The following TEX14 variants were observed in gnomAD, a reference collection of about 807,000 sequenced individuals.
TEX14 encodes the protein testis expressed 14, intercellular bridge forming factor.
A neutral mutation model predicts 178.6 loss-of-function variants in TEX14; 168 were observed. That is an observed-to-expected ratio of 0.94 (90% CI 0.83 to 1.07). The LOEUF is 1.07. Among genes scored for constraint, TEX14 ranks in the 50% least tolerant of loss-of-function variants. TEX14 has a pLI of 0.00. For missense variants in TEX14, 1,730 were observed against 1,753.6 expected, an observed-to-expected ratio of 0.99 and a Z score of 0.24; for synonymous variants, 626 against 634.1, an observed-to-expected ratio of 0.99 and a Z score of 0.19.
In TEX14 at chr17:58,682,122, T is replaced by C. The variant is rs1361399536; in HGVS notation, c.-2+9817A>G. ...CACTACCATGTCTGGCTAACTTTTG[T>C]ATTTTTTGTAGAGAGGGAGTTTCAC... On this transcript the variant is annotated intron_variant, in intron 1 of 31. Transcript: ENST00000349033. Among the ~76,000 whole-genome samples the C allele has an allele frequency of 2.6e-5, 4 of 152,108 alleles. No individual in the cohort carries two copies. The East Asian group carries it at 5.8e-4, about 22-fold the overall frequency.
In TEX14 at chr17:58,573,080, C is replaced by T; in HGVS notation, c.3511+101G>A. 2.0e-6 allele frequency: 3 copies of T among 1,502,518 alleles called. No individual in the cohort carries two copies. In the Admixed American group the frequency reaches 6.1e-5, roughly 30 times the overall value. 93.1% of individuals were successfully genotyped at this position (1,502,518 alleles called of 1,614,324 possible). ...CTAAAGAAAAACCTTTGCACTATGA[C>T]AACACAGCCACCAGCTCTGATACCA... On this transcript the variant is annotated intron_variant, in intron 23 of 31. Transcript: ENST00000349033.
chr17:58,656,925 C>CAAAAAAAAAAAAAA (rs60626361), intron 1 of TEX14, among the ~76,000 whole-genome samples: 4 of 79,510 alleles, frequency 5.0e-5, no homozygotes, highest in East Asian at 5.1e-4. Context: ...TCCCATCTCA[C>CAAAAAAAAAAAAAA]AAAAAAAAAA....
At chr17:58,585,610 GTTTTTTTT>G (rs879707841) in intron 18 of TEX14, among the ~76,000 whole-genome samples, 183 bp downstream of exon 18, 7 of 83,056 alleles carry the variant, frequency 8.4e-5, no homozygotes, top group African/African-American at 3.5e-4. Context: ...CCCAGCTAAT[GTTTTTTTT>G]TTTTTTTTTT....
chr17:58,565,725 A>C, intron 27 of TEX14, 22 bp downstream of exon 27: 1 of 1,577,492 alleles, frequency 6.3e-7, no homozygotes, highest in South Asian at 1.1e-5. Context: ...CCTGATGAAA[A>C]CAATCTAGGT....
At chr17:58,643,209 G>C (rs936296891) in intron 2 of TEX14, among the ~76,000 whole-genome samples, 1 of 152,094 alleles carries the variant, frequency 6.6e-6, no homozygotes, top group African/African-American at 2.4e-5. Flanking sequence ...CCCCAATAAA[G>C]CTGGCCTGTA....
intron 1 of TEX14, among the ~76,000 whole-genome samples, chr17:58,687,701 C>G (rs1472043655): frequency 6.6e-6 from 1 of 152,046 alleles, no homozygotes; most frequent in African/African-American, 2.4e-5. Flanking sequence ...CCAGCTATAA[C>G]AAAAATTTCA....
At chr17:58,632,653 T>C (rs539170298) in intron 2 of TEX14, among the ~76,000 whole-genome samples, 114 of 152,168 alleles carry the variant, frequency 7.5e-4, no homozygotes, top group Non-Finnish European at 1.2e-3. Flanking sequence ...GCAGCCGGCC[T>C]GCAAACGTAA....
At chr17:58,592,707 T>A (rs2045184166) in intron 15 of TEX14, among the ~76,000 whole-genome samples, 1 of 151,836 alleles carries the variant, frequency 6.6e-6, no homozygotes, top group African/African-American at 2.4e-5. Context: ...CCCGGCTAAT[T>A]TATGTATTTT....
chr17:58,621,885 C>A, intron 4 of TEX14, 99 bp from the exon 5 acceptor site: 1 of 1,359,354 alleles, frequency 7.4e-7, no homozygotes, highest in Non-Finnish European at 9.8e-7. Flanking sequence ...CTGAGAGCCC[C>A]CAACAGAAAA....
In TEX14 at chr17:58,615,284, AGTGTGGGTGGGTGGGG is replaced by A. The variant is rs2045847155; in HGVS notation, c.813_828del (p.Pro272AlafsTer10). ...AAGTCGGCCAGCCGCAGCCTGCTGC[AGTGTGGGTGGGTGGGG>A]AGATTCAGCTCTTTCACTGTGACCC... On this transcript the variant is annotated frameshift_variant, in exon 8 of 32. Coordinates refer to ENST00000349033, the MANE Select transcript of TEX14 (RefSeq NM_031272.5). LOFTEE classifies it high-confidence loss of function. 6.2e-7 allele frequency: 1 copy of A among 1,613,836 alleles called. No individual in the cohort carries two copies. Among genetic ancestry groups the A allele is most frequent in the African/African-American group, 1.3e-5 (1 of 74,922 alleles).
chr17:58,645,347 A>G (rs994526324), intron 2 of TEX14, among the ~76,000 whole-genome samples: 31 of 148,866 alleles, frequency 2.1e-4, no homozygotes, highest in African/African-American at 7.7e-4. Context: ...ACTCATAGAT[A>G]TATTATGGCT....
chr17:58,560,509 T>C (rs2044252675), intron 29 of TEX14, among the ~76,000 whole-genome samples: 1 of 152,220 alleles, frequency 6.6e-6, no homozygotes, highest in Admixed American at 6.5e-5. Context: ...GCTGTGGCTA[T>C]TAGGTTTGTG....
intron 14 of TEX14, among the ~76,000 whole-genome samples, chr17:58,595,302 T>C (rs1039908747): frequency 3.3e-5 from 5 of 152,202 alleles, no homozygotes; most frequent in African/African-American, 1.2e-4. Context: ...GTGATGTTTT[T>C]AAGGAAAAAA....
intron 3 of TEX14, among the ~76,000 whole-genome samples, chr17:58,626,888 A>C (rs1281077753): frequency 6.6e-6 from 1 of 152,144 alleles, no homozygotes; most frequent in African/African-American, 2.4e-5. Context: ...AAAGGAATAA[A>C]GCCTCCTCCC....
chr17:58,592,942 G>A (rs187294235), intron 15 of TEX14, among the ~76,000 whole-genome samples: 615 of 152,154 alleles, frequency 4.0e-3, no homozygotes, highest in Non-Finnish European at 7.1e-3. Context: ...GCATATATAT[G>A]CATGAATACA....
intron 1 of TEX14, among the ~76,000 whole-genome samples, chr17:58,671,327 T>C (rs1337235601): frequency 6.6e-6 from 1 of 152,176 alleles, no homozygotes; most frequent in Non-Finnish European, 1.5e-5. Context: ...TCCCCTAACA[T>C]ATACACATAG....
At chr17:58,623,685 G>T (rs2046057408) in intron 3 of TEX14, among the ~76,000 whole-genome samples, 1 of 151,668 alleles carries the variant, frequency 6.6e-6, no homozygotes, top group South Asian at 2.1e-4. Context: ...AATCACCAGG[G>T]AACTTTCTCT....
At chr17:58,593,791 CATGTTT>C in intron 14 of TEX14, 130 bp from the exon 15 acceptor site, 1 of 756,366 alleles carries the variant, frequency 1.3e-6, no homozygotes, top group Non-Finnish European at 2.2e-6. Flanking sequence ...TTTTCCTTTG[CATGTTT>C]CCTATCTGCT....
intron 1 of TEX14, chr17:58,666,597 T>A (rs564680646): frequency 6.6e-6 from 1 of 151,534 alleles, no homozygotes; most frequent in Non-Finnish European, 1.5e-5. Flanking sequence ...GTTACCCACA[T>A]TTGGGGAAAT....
Sources: gnomAD v4.1 joint callset for allele counts (sites outside exome capture counted in the v4.1 genomes callset) on GRCh38, gnomAD v4.1.1 for gene constraint, MANE v1.5 for transcripts, NCBI Gene and HGNC (gene_info 2026-07-23, HGNC 2026-07-21) for gene names.